Variants in DNAH17 observed in about 807,000 individuals in gnomAD.
DNAH17 encodes the protein dynein axonemal heavy chain 17.
A neutral mutation model predicts 485.6 loss-of-function variants in DNAH17; 376 were observed. The observed-to-expected ratio is 0.77, with a 90% confidence interval of 0.71 to 0.84. The LOEUF (loss-of-function observed/expected upper bound fraction) is 0.84. DNAH17 is among the 40% of genes least tolerant of loss of function. The probability of loss-of-function intolerance (pLI) is 0.00; values close to 1 mark genes in which losing one functional copy is unlikely to be tolerated. For missense variants in DNAH17, 6,370 were observed against 5,839.3 expected (o/e 1.09, Z -2.96); for synonymous variants, 3,031 against 2,405.9 (o/e 1.26, Z -7.60).
chr17:78,559,127 C>T (rs148165959), intron 13 of DNAH17, among the ~76,000 whole-genome samples: 1 of 152,316 alleles, frequency 6.6e-6, no homozygotes, highest in African/African-American at 2.4e-5. Flanking sequence ...GACCAGCCAG[C>T]CCATTTGTCA....
chr17:78,495,378 C>A (rs534041260), intron 38 of DNAH17, among the ~76,000 whole-genome samples: 5 of 152,182 alleles, frequency 3.3e-5, no homozygotes, highest in African/African-American at 1.2e-4. Context: ...GCGGTCCTCC[C>A]ACCCAGGGGA....
chr17:78,489,199 A>T (rs565900190), intron 44 of DNAH17, among the ~76,000 whole-genome samples: 1 of 152,186 alleles, frequency 6.6e-6, no homozygotes, highest in Non-Finnish European at 1.5e-5. Context: ...GCCTCCCAGC[A>T]GAGGGTCTCA....
At chr17:78,442,664 G>A (rs928332999) in intron 71 of DNAH17, among the ~76,000 whole-genome samples, 1 of 152,264 alleles carries the variant, frequency 6.6e-6, no homozygotes, top group African/African-American at 2.4e-5. Context: ...CCTCTGACAT[G>A]GTGGCTTTGA....
chr17:78,547,617 A>AT lies in DNAH17; in HGVS notation c.2392-3621dup, dbSNP rs58852980. Among the ~76,000 whole-genome samples the AT allele has an allele frequency of 3.1e-3, 419 of 134,632 alleles. 4 individuals carry two copies. Among genetic ancestry groups the AT allele is most frequent in the South Asian group, 0.016 (67 of 4,120 alleles). The allele number at this position is 134,632 out of a possible 152,430, so 88.3% of individuals were successfully genotyped here. A position where few individuals can be genotyped will look rare whatever the true frequency, so the allele number is the denominator to read the frequency against. On this transcript the variant is annotated intron_variant, in intron 16 of 80. Transcript: ENST00000389840. The stretch of plus-strand genomic sequence containing the variant: ...TTCTATTACATCTTTGTTCATTACT[A>AT]TTTTTTTTTTTTTTTTTTGAGATGG...
At chr17:78,475,873 C>T (rs778871721) in intron 52 of DNAH17, 40 bp from the exon 53 acceptor site, 83 of 1,596,802 alleles carry the variant, frequency 5.2e-5, no homozygotes, top group Non-Finnish European at 6.7e-5. Flanking sequence ...CCGGTTTTTG[C>T]CACCATGACC....
At chr17:78,490,995 C>T (rs2089828499) in intron 43 of DNAH17, 148 bp from the exon 44 acceptor site, 1 of 1,057,828 alleles carries the variant, frequency 9.5e-7, no homozygotes, top group East Asian at 2.6e-5. Flanking sequence ...AGCCCTAGTC[C>T]CTTGGCCCAG....
chr17:78,546,617 A>G (rs2091770764), intron 16 of DNAH17, among the ~76,000 whole-genome samples: 1 of 152,246 alleles, frequency 6.6e-6, no homozygotes, highest in Non-Finnish European at 1.5e-5. Flanking sequence ...TTGGAAATAA[A>G]AATTGCAGCT....
intron 22 of DNAH17, 127 bp downstream of exon 22, chr17:78,529,345 T>TCCTC: frequency 1.1e-6 from 1 of 916,034 alleles, no homozygotes; most frequent in East Asian, 2.5e-5. Context: ...TCCATGGGGA[T>TCCTC]CTGATGTCCA....
intron 64 of DNAH17, 85 bp from the exon 65 acceptor site, chr17:78,453,550 T>TCTGAGCGAGACAGCG (rs2087648804): frequency 1.3e-6 from 2 of 1,559,984 alleles, no homozygotes; most frequent in African/African-American, 2.7e-5. Flanking sequence ...GCCCCTGCCC[T>TCTGAGCGAGACAGCG]CTGAGCGAGA....
At chr17:78,502,814 G>A in intron 32 of DNAH17, 72 bp downstream of exon 32, 1 of 1,591,386 alleles carries the variant, frequency 6.3e-7, no homozygotes, top group East Asian at 2.2e-5. Flanking sequence ...TAACAGCGGA[G>A]CCCATGAACG....
At chr17:78,553,023 C>T (rs1166046084) in intron 14 of DNAH17, among the ~76,000 whole-genome samples, 5 of 152,082 alleles carry the variant, frequency 3.3e-5, no homozygotes, top group Admixed American at 3.3e-4. Context: ...TGTAGCATCA[C>T]CCCCCGATGC....
intron 13 of DNAH17, 49 bp from the exon 14 acceptor site, chr17:78,558,303 A>G (rs746767438): frequency 1.9e-6 from 3 of 1,598,384 alleles, no homozygotes; most frequent in Admixed American, 1.7e-5. Context: ...TCAGGTCAAC[A>G]GTGCAGTGTT....
At position 78,429,174 on chromosome 17, in the gene DNAH17, C is replaced by G; in HGVS notation, c.12352G>C (p.Gly4118Arg). 1 of 1,613,764 alleles carries G rather than the reference C, an allele frequency of 6.2e-7. No homozygotes were observed. The highest frequency in any genetic ancestry group is 8.5e-7 in the Non-Finnish European group (1 of 1,179,886). Reference sequence around the variant, plus strand: ...AAGCCGGGGGCCAGCAGGACGTCTCCCTCCAGCATCTCCGTCCGGATGTAT... The same window carrying G: ...AAGCCGGGGGCCAGCAGGACGTCTCGCTCCAGCATCTCCGTCCGGATGTAT... ...AEYIRTEMLE[G>R]DVLLAPGFQI... The change falls in exon 76 of 81, where the codon GGA (glycine) becomes CGA (arginine). Residue 4118 changes from glycine to arginine, a missense_variant. Coordinates refer to ENST00000389840, the MANE Select transcript of DNAH17 (RefSeq NM_173628.4).
chr17:78,534,513 C>T (rs2091322652), intron 19 of DNAH17, among the ~76,000 whole-genome samples: 1 of 152,220 alleles, frequency 6.6e-6, no homozygotes, highest in East Asian at 1.9e-4. Context: ...ATGGGCTCGC[C>T]TGTGCCTGAC....
At chr17:78,568,890 C>G (rs115520330) in intron 9 of DNAH17, among the ~76,000 whole-genome samples, 1 of 152,192 alleles carries the variant, frequency 6.6e-6, no homozygotes, top group Non-Finnish European at 1.5e-5. Context: ...GCGTCCTGAA[C>G]GTGGGGGTTT....
At chr17:78,533,148 C>G in intron 19 of DNAH17, 1 of 183,286 alleles carries the variant, frequency 5.5e-6, no homozygotes, top group South Asian at 1.0e-4. Flanking sequence ...TCTGGGGAAC[C>G]CCGAGATGAC....
At chr17:78,437,466 T>C (rs767024134) in intron 74 of DNAH17, among the ~76,000 whole-genome samples, 175 bp downstream of exon 74, 6 of 152,270 alleles carry the variant, frequency 3.9e-5, no homozygotes, top group Admixed American at 6.5e-5. Flanking sequence ...TTTGCATTTT[T>C]CCGTCTTTTA....
At chr17:78,457,656 GCTTT>G (rs1457261115) in intron 62 of DNAH17, among the ~76,000 whole-genome samples, 1 of 121,082 alleles carries the variant, frequency 8.3e-6, no homozygotes, top group Non-Finnish European at 1.6e-5. Context: ...GCCGTGCCTG[GCTTT>G]TTTTTTTTTT....
intron 24 of DNAH17, among the ~76,000 whole-genome samples, chr17:78,526,288 G>A (rs532274868): frequency 6.6e-6 from 1 of 152,326 alleles, no homozygotes; most frequent in East Asian, 1.9e-4. Flanking sequence ...TTAAGCCCAG[G>A]GGACAGGAAG....
Sources: allele counts gnomAD v4.1 joint callset (sites outside exome capture counted in the v4.1 genomes callset), GRCh38; gene constraint gnomAD v4.1.1; transcripts MANE v1.5; gene names NCBI Gene and HGNC (gene_info 2026-07-23, HGNC 2026-07-21).